TMTC2: variants seen among roughly 807,000 people sequenced by gnomAD.
The protein encoded by TMTC2 is protein O-mannosyl-transferase TMTC2.
In TMTC2, 43 loss-of-function variants were observed where a neutral mutation model predicts 82.4. The ratio of observed to expected loss-of-function variants is 0.52; its 90% CI spans 0.41 to 0.67. The LOEUF (loss-of-function observed/expected upper bound fraction) is 0.67. Ranked by LOEUF, TMTC2 falls within the 30% of genes least tolerant of loss-of-function variation. The probability of loss-of-function intolerance (pLI) is 0.00; values close to 1 mark genes in which losing one functional copy is unlikely to be tolerated. For missense variants in TMTC2, 919 were observed against 1,012.4 expected (o/e 0.91, Z 1.25); for synonymous variants, 408 against 381.9 (o/e 1.07, Z -0.80).
chr12:82,775,035 A>G (rs1048002668), intron 1 of TMTC2, among the ~76,000 whole-genome samples: 2 of 152,114 alleles, frequency 1.3e-5, no homozygotes, highest in Non-Finnish European at 2.9e-5. Context: ...CATTGGTAAG[A>G]CACCAAAATG....
At chr12:82,798,358 G>A (rs533714426) in intron 1 of TMTC2, among the ~76,000 whole-genome samples, 13 of 150,804 alleles carry the variant, frequency 8.6e-5, no homozygotes, top group South Asian at 4.2e-4. Flanking sequence ...GATGGCGGGC[G>A]TGGTGGCGGG....
At chr12:82,912,895 C>T (rs761126210) in intron 3 of TMTC2, among the ~76,000 whole-genome samples, 7 of 149,534 alleles carry the variant, frequency 4.7e-5, no homozygotes, top group South Asian at 2.1e-4. Flanking sequence ...GCTATGGTCA[C>T]GCCACTGCAC....
intron 1 of TMTC2, among the ~76,000 whole-genome samples, chr12:82,791,736 C>T (rs188646249): frequency 6.6e-6 from 1 of 152,220 alleles, no homozygotes; most frequent in African/African-American, 2.4e-5. Flanking sequence ...TCAGACACCA[C>T]CCTAGACAAA....
At chr12:82,734,447 C>T (rs1874985447) in intron 1 of TMTC2, among the ~76,000 whole-genome samples, 1 of 152,180 alleles carries the variant, frequency 6.6e-6, no homozygotes, top group Non-Finnish European at 1.5e-5. Flanking sequence ...CATTCCTACT[C>T]AAGTGCCAAC....
Position 83,134,372 on chromosome 12 carries a change from C to T in TMTC2, c.*1983C>T, listed in dbSNP as rs1224205223. 1 of 151,546 alleles carries T rather than the reference C, an allele frequency of 6.6e-6. No homozygotes were observed. The allele number at this position is 151,546 out of a possible 1,614,324, so 9.4% of individuals were successfully genotyped here. A position where few individuals can be genotyped will look rare whatever the true frequency, so the allele number is the denominator to read the frequency against. On this transcript the variant is annotated 3_prime_UTR_variant, in exon 12 of 12. Transcript: ENST00000321196. Reference sequence around the variant, plus strand: ...TTGTATTTATTTAAATAGTTATTGACCTATGATGACTTTCTAGTCTTAACA... The same window carrying T: ...TTGTATTTATTTAAATAGTTATTGATCTATGATGACTTTCTAGTCTTAACA...
chr12:82,840,725 C>T (rs1870287100), intron 1 of TMTC2, among the ~76,000 whole-genome samples: 1 of 152,178 alleles, frequency 6.6e-6, no homozygotes, highest in African/African-American at 2.4e-5. Context: ...AATTTGGGGT[C>T]AGCAAAAGGC....
At chr12:82,964,999 C>G (rs1166493283) in intron 4 of TMTC2, 25 bp from the exon 5 acceptor site, 2 of 1,571,232 alleles carry the variant, frequency 1.3e-6, no homozygotes, top group Admixed American at 1.8e-5. Context: ...AGTCCTTTCT[C>G]TAAATTTCTG....
chr12:82,826,816 C>T (rs75034914), intron 1 of TMTC2, among the ~76,000 whole-genome samples: 4,181 of 152,250 alleles, frequency 0.027, 87 homozygotes, highest in Non-Finnish European at 0.04. Context: ...TCTGTGAGAA[C>T]CTTTCCAGCC....
At chr12:83,116,458 T>A (rs1019515346) in intron 11 of TMTC2, among the ~76,000 whole-genome samples, 2 of 152,238 alleles carry the variant, frequency 1.3e-5, no homozygotes, top group African/African-American at 4.8e-5. Flanking sequence ...TACCCACTAG[T>A]GGGATTGCTG....
intron 1 of TMTC2, among the ~76,000 whole-genome samples, chr12:82,717,013 C>T (rs994181590): frequency 6.6e-6 from 1 of 152,098 alleles, no homozygotes; most frequent in Admixed American, 6.5e-5. Context: ...ACATGTAAAG[C>T]ATCACGAATC....
intron 1 of TMTC2, among the ~76,000 whole-genome samples, chr12:82,735,566 C>A (rs368862768): frequency 6.6e-6 from 1 of 151,792 alleles, no homozygotes; most frequent in Non-Finnish European, 1.5e-5. Context: ...AGGATGGTCT[C>A]GATCTCCTGA....
intron 1 of TMTC2, among the ~76,000 whole-genome samples, chr12:82,731,639 A>G (rs182140660): frequency 5.1e-4 from 77 of 152,356 alleles, no homozygotes; most frequent in Admixed American, 2.1e-3. Context: ...TATAAATAAT[A>G]GGCTTTATTT....
At chr12:83,113,644 C>T (rs538174856) in intron 11 of TMTC2, among the ~76,000 whole-genome samples, 1 of 152,336 alleles carries the variant, frequency 6.6e-6, no homozygotes, top group East Asian at 1.9e-4. Flanking sequence ...AGCGTGGCTT[C>T]ACCTTGTTTG....
At chr12:82,938,656 A>T (rs1876542512) in intron 4 of TMTC2, among the ~76,000 whole-genome samples, 1 of 152,112 alleles carries the variant, frequency 6.6e-6, no homozygotes, top group Non-Finnish European at 1.5e-5. Flanking sequence ...CCCTTTACTA[A>T]TTCCTGGAAT....
At chr12:82,777,412 T>C (rs1205650641) in intron 1 of TMTC2, among the ~76,000 whole-genome samples, 1 of 152,152 alleles carries the variant, frequency 6.6e-6, no homozygotes, top group Non-Finnish European at 1.5e-5. Flanking sequence ...AGAATCAAAA[T>C]GAAATATGCT....
At chr12:82,866,646 G>A (rs1236251747) in intron 2 of TMTC2, among the ~76,000 whole-genome samples, 1 of 152,086 alleles carries the variant, frequency 6.6e-6, no homozygotes, top group African/African-American at 2.4e-5. Flanking sequence ...GGGATCCGAT[G>A]GATATCAGGT....
At chr12:82,964,429 G>A (rs78438159) in intron 4 of TMTC2, among the ~76,000 whole-genome samples, 6,698 of 152,126 alleles carry the variant, frequency 0.044, 300 homozygotes, top group East Asian at 0.25. Flanking sequence ...ATAGTGTTCC[G>A]AAATCCAGTC....
chr12:83,123,169 A>T (rs1391948956), intron 11 of TMTC2, among the ~76,000 whole-genome samples: 1 of 152,198 alleles, frequency 6.6e-6, no homozygotes, highest in African/African-American at 2.4e-5. Context: ...TTCTTGTAAC[A>T]CCCACTGGGA....
chr12:82,747,937 A>G (rs1422648050), intron 1 of TMTC2, among the ~76,000 whole-genome samples: 1 of 152,250 alleles, frequency 6.6e-6, no homozygotes, highest in Admixed American at 6.5e-5. Context: ...TAATATAACC[A>G]AAAGAAAATA....
Sources: gnomAD v4.1 joint callset for allele counts (sites outside exome capture counted in the v4.1 genomes callset) on GRCh38, gnomAD v4.1.1 for gene constraint, MANE v1.5 for transcripts, NCBI Gene and HGNC (gene_info 2026-07-23, HGNC 2026-07-21) for gene names.